LRRC31: variants seen among roughly 807,000 people sequenced by gnomAD.
LRRC31 encodes leucine-rich repeat-containing protein 31.
In LRRC31, 35 loss-of-function variants were observed where a neutral mutation model predicts 46.7. The observed-to-expected ratio is 0.75, with a 90% confidence interval of 0.57 to 0.99. The LOEUF (loss-of-function observed/expected upper bound fraction) is 0.99. Ranked by LOEUF, LRRC31 falls within the 50% of genes least tolerant of loss-of-function variation. The pLI is 0.00. For synonymous variants in LRRC31, 236 were observed against 235.1 expected (o/e 1.00, Z -0.03); for missense variants, 613 against 626.1 (o/e 0.98, Z 0.22).
chr3:169,855,061 C>T, intron 5 of LRRC31, 81 bp from the exon 6 acceptor site: 1 of 1,224,486 alleles, frequency 8.2e-7, no homozygotes, highest in Non-Finnish European at 1.2e-6. Context: ...GAGACCAAGG[C>T]AGGAGGATTG....
chr3:169,857,010 G>C, intron 3 of LRRC31, 138 bp from the exon 4 acceptor site: 1 of 693,460 alleles, frequency 1.4e-6, no homozygotes. Context: ...GAGGAACAGA[G>C]AGAAGGAAAG....
chr3:169,854,906 C>T lies in LRRC31; in HGVS notation c.898G>A (p.Glu300Lys), dbSNP rs41273581. ...SCNKDLGGGF[E>K]DSPAQLVMLK... ...ATGACCAACTGAGCCGGCGAGTCTT[C>T]AAAACCTCCACCTAGATCCTTATTG... is the stretch of plus-strand genomic sequence containing the variant. Residue 300 changes from glutamate to lysine, a missense_variant, in exon 6 of 9, where the codon GAA (glutamate) becomes AAA (lysine). Coordinates refer to ENST00000316428, the MANE Select transcript of LRRC31 (RefSeq NM_024727.4). The T allele has an allele frequency of 0.01, 16,589 of 1,613,682 alleles. 109 individuals are homozygous for T. The highest frequency in any genetic ancestry group is 0.012 in the Non-Finnish European group (14,545 of 1,179,938).
At chr3:169,853,239 A>G (rs1780843175) in intron 6 of LRRC31, 3 of 985,356 alleles carry the variant, frequency 3.0e-6, no homozygotes, top group Non-Finnish European at 3.6e-6. Flanking sequence ...TAAAGGATCT[A>G]TAATTCCATT....
intron 6 of LRRC31, chr3:169,853,395 T>G: frequency 1.0e-6 from 1 of 985,418 alleles, no homozygotes; most frequent in African/African-American, 1.7e-5. Context: ...ATCAAATAAT[T>G]ATTAGTTTTC....
intron 8 of LRRC31, among the ~76,000 whole-genome samples, chr3:169,847,108 A>G (rs538680541): frequency 6.6e-6 from 1 of 152,286 alleles, no homozygotes; most frequent in South Asian, 2.1e-4. Flanking sequence ...ACAAGGCTAG[A>G]TGGGAGCCAG....
intron 5 of LRRC31, among the ~76,000 whole-genome samples, chr3:169,856,123 T>C (rs921818412): frequency 6.6e-6 from 1 of 152,054 alleles, no homozygotes; most frequent in Non-Finnish European, 1.5e-5. Context: ...TCTCAAGTGA[T>C]CCGCCTGCCT....
chr3:169,849,927 G>A (rs1780705970), intron 7 of LRRC31, among the ~76,000 whole-genome samples: 1 of 152,206 alleles, frequency 6.6e-6, no homozygotes, highest in African/African-American at 2.4e-5. Flanking sequence ...CAGCCTTACT[G>A]GTTGATAGCA....
intron 8 of LRRC31, 83 bp downstream of exon 8, chr3:169,848,037 C>T: frequency 7.1e-7 from 1 of 1,405,628 alleles, no homozygotes. Flanking sequence ...TGGTACCTCC[C>T]CCACCTCCCC....
At chr3:169,867,051 G>GTTTTTTTTTT (rs1426034836) in intron 1 of LRRC31, among the ~76,000 whole-genome samples, 1 of 97,470 alleles carries the variant, frequency 1.0e-5, no homozygotes, top group African/African-American at 8.6e-5. Context: ...TTTTTTGTTT[G>GTTTTTTTTTT]TTTGTTTGTT....
At chr3:169,855,078 C>T in intron 5 of LRRC31, 98 bp from the exon 6 acceptor site, 1 of 1,048,704 alleles carries the variant, frequency 9.5e-7, no homozygotes, top group Non-Finnish European at 1.4e-6. Flanking sequence ...ATTGCTTGAG[C>T]CCCGGAGTTC....
rs143118397 is a variant in LRRC31, at chr3:169,854,526, G to A, written c.991+287C>T. Among the ~76,000 whole-genome samples, 5 of 152,256 alleles carry A rather than the reference G, an allele frequency of 3.3e-5. No individual in the cohort carries two copies. In the East Asian group the frequency reaches 9.6e-4, roughly 29 times the overall value. On this transcript the variant is annotated intron_variant, in intron 6 of 8. Coordinates refer to ENST00000316428, the MANE Select transcript of LRRC31 (RefSeq NM_024727.4). Reference sequence around the variant, plus strand: ...GTAACCTGTTTGTAATCAACTTTGTGACACTAAGAGATTTATTTCTAAACA... The same window carrying A: ...GTAACCTGTTTGTAATCAACTTTGTAACACTAAGAGATTTATTTCTAAACA...
chr3:169,856,288 C>A (rs1041445724), intron 5 of LRRC31, 48 bp downstream of exon 5: 8 of 1,145,202 alleles, frequency 7.0e-6, no homozygotes, highest in African/African-American at 1.6e-5. Context: ...ATATGTATAT[C>A]ATATATAATT....
chr3:169,843,647 A>G (rs552071840), intron 8 of LRRC31, among the ~76,000 whole-genome samples: 63 of 152,360 alleles, frequency 4.1e-4, no homozygotes, highest in African/African-American at 1.4e-3. Flanking sequence ...AGAACTGTGA[A>G]CAAATACATG....
intron 8 of LRRC31, among the ~76,000 whole-genome samples, chr3:169,842,374 T>C (rs895798575): frequency 1.3e-5 from 2 of 152,180 alleles, no homozygotes; most frequent in African/African-American, 4.8e-5. Context: ...TTTTTTGAGA[T>C]GGAGTCTGCT....
At chr3:169,844,679 A>C (rs186466578) in intron 8 of LRRC31, among the ~76,000 whole-genome samples, 9 of 152,320 alleles carry the variant, frequency 5.9e-5, no homozygotes, top group Admixed American at 5.2e-4. Flanking sequence ...CACGCCTGTA[A>C]TCCCAGCACT....
At chr3:169,863,306 G>T (rs1222573785) in intron 1 of LRRC31, among the ~76,000 whole-genome samples, 2 of 152,170 alleles carry the variant, frequency 1.3e-5, no homozygotes, top group Non-Finnish European at 2.9e-5. Flanking sequence ...TAAACATATA[G>T]ATTATGTATA....
intron 7 of LRRC31, among the ~76,000 whole-genome samples, chr3:169,851,232 G>T (rs546265983): frequency 9.9e-5 from 15 of 152,188 alleles, no homozygotes; most frequent in Admixed American, 9.2e-4. Context: ...GGACAACACG[G>T]TGAAACCCTG....
Position 169,860,696 on chromosome 3 carries a change from C to T in LRRC31, c.352G>A (p.Glu118Lys). The part of the protein sequence containing the change: ...ALLPFLPDLE[E>K]LDISWNGFVG... ...AAACCATTCCAGGAGATATCCAGTT[C>T]TTCCAAGTCTGGGAGAAAAGGCAGC... Residue 118 changes from glutamate (E) to lysine (K), a missense_variant, in exon 3 of 9, where the codon GAA becomes AAA. Physicochemically the swap from Glu to Lys is moderately conservative, Grantham distance 56 (BLOSUM62 1). Transcript: ENST00000316428. The T allele has an allele frequency of 1.2e-6, 2 of 1,614,084 alleles. No homozygotes were observed. The highest frequency in any genetic ancestry group is 2.2e-5 in the South Asian group (2 of 91,078).
intron 1 of LRRC31, among the ~76,000 whole-genome samples, chr3:169,867,414 C>T (rs1234096966): frequency 1.3e-5 from 2 of 151,712 alleles, no homozygotes; most frequent in African/African-American, 2.4e-5. Context: ...CCTGCTACCA[C>T]ACCCGGCTAC....
Sources: allele counts gnomAD v4.1 joint callset (sites outside exome capture counted in the v4.1 genomes callset), GRCh38; gene constraint gnomAD v4.1.1; transcripts MANE v1.5; gene names NCBI Gene and HGNC (gene_info 2026-07-23, HGNC 2026-07-21).